The following CHI3L1 variants were observed in gnomAD, a reference collection of about 807,000 sequenced individuals.
CHI3L1 encodes chitinase 3 like 1.
Under a neutral mutation model 40.7 loss-of-function variants are expected in CHI3L1, and 30 were observed. The observed-to-expected ratio is 0.74, with a 90% CI of 0.55 to 1.00. The LOEUF is 1.00. CHI3L1 is among the 50% of genes least tolerant of loss of function. The probability of loss-of-function intolerance (pLI) is 0.00; values close to 1 mark genes in which losing one functional copy is unlikely to be tolerated. For missense variants in CHI3L1, 493 were observed against 492.2 expected (o/e 1.00, Z -0.01); for synonymous variants, 210 against 192.1 (o/e 1.09, Z -0.77).
In CHI3L1 at chr1:203,184,596, T is replaced by C. The variant is rs1227562903; in HGVS notation, c.294A>G (p.Gly98=). ...CCTACCTTTGAGACCCAAAGTTCCA[T>C]CCTCCGACAGACAAGAGAGTCTTCA... is the stretch of plus-strand genomic sequence containing the variant. ...PNLKTLLSVG[G]WNFGSQRFSK... is the part of the protein sequence containing the mutation. The change falls in exon 4 of 10, where the codon GGA becomes GGG. Residue 98 remains glycine, a synonymous_variant. Transcript: ENST00000255409. 2.5e-6 allele frequency: 4 copies of C among 1,613,860 alleles called. 1 individual carries two copies. In the Admixed American group the frequency reaches 5.0e-5, roughly 20 times the overall value.
chr1:203,182,981 G>A (rs1655968284), intron 5 of CHI3L1, 129 bp from the exon 6 acceptor site: 2 of 913,620 alleles, frequency 2.2e-6, no homozygotes, highest in Non-Finnish European at 1.7e-6. Context: ...CCTAGTGGAA[G>A]TGATAAAGTG....
At position 203,179,442 on chromosome 1, in the gene CHI3L1, G is replaced by A; in HGVS notation, c.*3C>T. 6.5e-7 allele frequency: 1 copy of A among 1,532,812 alleles called. No individual in the cohort carries two copies. The highest frequency in any genetic ancestry group is 1.3e-5 in the South Asian group (1 of 77,920). 95.0% of individuals were successfully genotyped at this position (1,532,812 alleles called of 1,614,324 possible). On this transcript the variant is annotated 3_prime_UTR_variant, in exon 10 of 10. Transcript: ENST00000255409. ...GCCCCCGTGCTGTGTGCAGAACAGA[G>A]GGCTACGTTGCAGCGAGTGCATCCT...
chr1:203,184,397 C>G (rs542600374), intron 4 of CHI3L1, among the ~76,000 whole-genome samples, 179 bp downstream of exon 4: 1 of 152,178 alleles, frequency 6.6e-6, no homozygotes, highest in African/African-American at 2.4e-5. Context: ...AAGTCCTGCT[C>G]TCTCTCTGGG....
At chr1:203,186,373 T>A (rs1436117583) in intron 1 of CHI3L1, 28 bp from the exon 2 acceptor site, 1 of 1,582,314 alleles carries the variant, frequency 6.3e-7, no homozygotes, top group Non-Finnish European at 8.6e-7. Flanking sequence ...ATGAGACCCC[T>A]GCAAGTGCAT....
intron 3 of CHI3L1, 23 bp downstream of exon 3, chr1:203,185,160 TC>T: frequency 6.2e-7 from 1 of 1,609,356 alleles, no homozygotes; most frequent in Non-Finnish European, 8.5e-7. Flanking sequence ...TGGTCCCTCC[TC>T]TCCTGGCCAG....
chr1:203,186,632 C>A lies in CHI3L1; in HGVS notation c.-9G>T. ...GACGCCTTCACACCCATTCTGGCTGCAGCAGAGCAGGGCAGGGTGTGGCCT... is the reference window on the plus strand; with the variant it reads ...GACGCCTTCACACCCATTCTGGCTGAAGCAGAGCAGGGCAGGGTGTGGCCT... On this transcript the variant is annotated 5_prime_UTR_variant, in exon 1 of 10. Transcript: ENST00000255409. 1 of 1,614,146 alleles carries A rather than the reference C, an allele frequency of 6.2e-7. No individual in the cohort carries two copies. Among genetic ancestry groups the A allele is most frequent in the Non-Finnish European group, 8.5e-7 (1 of 1,180,040 alleles).
At chr1:203,183,013 C>G (rs1460370923) in intron 5 of CHI3L1, among the ~76,000 whole-genome samples, 161 bp from the exon 6 acceptor site, 1 of 152,138 alleles carries the variant, frequency 6.6e-6, no homozygotes, top group Non-Finnish European at 1.5e-5. Context: ...GTCCCATCCT[C>G]AAGTCACCCA....
At chr1:203,185,160 T>C in intron 3 of CHI3L1, 24 bp downstream of exon 3, 1 of 1,609,356 alleles carries the variant, frequency 6.2e-7, no homozygotes, top group South Asian at 1.1e-5. Flanking sequence ...TGGTCCCTCC[T>C]CTCCTGGCCA....
Position 203,180,567 on chromosome 1 carries a change from G to A in CHI3L1, c.797C>T (p.Thr266Ile). The A allele has an allele frequency of 1.2e-6, 2 of 1,611,154 alleles. No homozygotes were observed. Among genetic ancestry groups the A allele is most frequent in the Non-Finnish European group, 1.7e-6 (2 of 1,179,004 alleles). Residue 266 changes from threonine (T) to isoleucine (I), a missense_variant, in exon 8 of 10, where the codon ACT becomes ATT. By Grantham distance (89) the Thr-to-Ile change is moderately conservative. Transcript: ENST00000255409. ...AACACCAGTCTCAGAAGAAGCCAGA[G>A]TGAAGCTCCTCCCGAAGGTGGGGAT... ...MGIPTFGRSF[T>I]LASSETGVGA...
At chr1:203,182,958 A>T in intron 5 of CHI3L1, 106 bp from the exon 6 acceptor site, 1 of 1,193,992 alleles carries the variant, frequency 8.4e-7, no homozygotes, top group Non-Finnish European at 1.2e-6. Context: ...TGTACTCCCC[A>T]ACCTGCCTGG....
At chr1:203,185,965 C>T (rs991569326) in intron 2 of CHI3L1, among the ~76,000 whole-genome samples, 1 of 152,168 alleles carries the variant, frequency 6.6e-6, no homozygotes, top group Non-Finnish European at 1.5e-5. Context: ...GGAAATCCTT[C>T]CTCGCCTCTA....
In CHI3L1 at chr1:203,184,545, T is replaced by G. The variant is rs1656014457; in HGVS notation, c.314+31A>C. The G allele has an allele frequency of 6.3e-6, 10 of 1,589,434 alleles. No individual in the cohort carries two copies. The African/African-American group carries it at 8.1e-5, about 13-fold the overall frequency. On this transcript the variant is annotated intron_variant, in intron 4 of 9. Transcript: ENST00000255409. ...TCCTCACTCCTATGCCATCATCCTC[T>G]GCCGTCCTGCCCCTGGGGAGAGGCT...
At chr1:203,180,321 C>CCT (rs1655907339) in intron 8 of CHI3L1, 149 bp downstream of exon 8, 1 of 719,740 alleles carries the variant, frequency 1.4e-6, no homozygotes, top group Admixed American at 3.2e-5. Context: ...AATGTCCTAA[C>CCT]CTCTCCCTTC....
chr1:203,182,554 A>G (rs1481100218), intron 6 of CHI3L1, among the ~76,000 whole-genome samples, 177 bp downstream of exon 6: 1 of 152,252 alleles, frequency 6.6e-6, no homozygotes, highest in Non-Finnish European at 1.5e-5. Context: ...ACAGATGGGG[A>G]AACTGAGGCA....
In CHI3L1 at chr1:203,179,523, G is replaced by A. The variant is rs752716990; in HGVS notation, c.1074C>T (p.Asp358=). The change falls in exon 10 of 10, where the codon GAC becomes GAT. Residue 358 remains aspartate (D), a synonymous_variant. Coordinates refer to ENST00000255409, the MANE Select transcript of CHI3L1 (RefSeq NM_001276.4). The part of the protein sequence containing the change: ...GAMVWALDLD[D]FQGSFCGQDL... Reference sequence around the variant, plus strand: ...CCTGGCCACAGAAGGAGCCCTGGAAGTCATCCAGGTCCAGGGCCCATACCA... The same window carrying A: ...CCTGGCCACAGAAGGAGCCCTGGAAATCATCCAGGTCCAGGGCCCATACCA... 1.2e-5 allele frequency: 19 copies of A among 1,594,222 alleles called. No individual in the cohort carries two copies. The highest frequency in any genetic ancestry group is 3.5e-5 in the Admixed American group (2 of 57,402).
At position 203,185,126 on chromosome 1, in the gene CHI3L1, G is replaced by T. The variant is rs1232903164; in HGVS notation, c.257+58C>A. ...CTCGCCCTTCCTCCTGGGTGGGGTT[G>T]CCCTGCCCTGGGACCAGCCCAGCTG... On this transcript the variant is annotated intron_variant, in intron 3 of 9. Coordinates refer to ENST00000255409, the MANE Select transcript of CHI3L1 (RefSeq NM_001276.4). 3 of 1,495,036 alleles carry T rather than the reference G, an allele frequency of 2.0e-6. No individual in the cohort carries two copies. In the East Asian group the frequency reaches 6.8e-5, roughly 34 times the overall value. The allele number at this position is 1,495,036 out of a possible 1,614,324, so 92.6% of individuals were successfully genotyped here.
In CHI3L1 at chr1:203,185,346, G is replaced by A. The variant is rs1656034815; in HGVS notation, c.95C>T (p.Ser32Phe). 1.2e-6 allele frequency: 2 copies of A among 1,614,064 alleles called. No individual in the cohort carries two copies. Among genetic ancestry groups the A allele is most frequent in the Non-Finnish European group, 1.7e-6 (2 of 1,180,056 alleles). Reference sequence around the variant, plus strand: ...GCTCCCATCGCCTTCCCGGTACTGGGACCAGCTGGTGTAGTAGCAGACCAG... The same window carrying A: ...GCTCCCATCGCCTTCCCGGTACTGGAACCAGCTGGTGTAGTAGCAGACCAG... ...YKLVCYYTSW[S>F]QYREGDGSCF... Residue 32 changes from serine (S) to phenylalanine (F), a missense_variant, in exon 3 of 10, where the codon TCC becomes TTC. Ser to Phe is a radical substitution (Grantham distance 155, BLOSUM62 -2). Transcript: ENST00000255409.
At chr1:203,183,341 C>T (rs1655985499) in intron 5 of CHI3L1, among the ~76,000 whole-genome samples, 1 of 152,132 alleles carries the variant, frequency 6.6e-6, no homozygotes, top group Admixed American at 6.5e-5. Context: ...GTATGGGTGG[C>T]ATCAGTATGG....
chr1:203,179,702 C>G (rs1357105583), intron 9 of CHI3L1, 59 bp downstream of exon 9: 2 of 1,613,990 alleles, frequency 1.2e-6, no homozygotes, highest in Non-Finnish European at 1.7e-6. Flanking sequence ...AATCTGGCTG[C>G]TGGGAGCGGG....
Sources: allele counts gnomAD v4.1 joint callset (sites outside exome capture counted in the v4.1 genomes callset), GRCh38; gene constraint gnomAD v4.1.1; transcripts MANE v1.5; gene names NCBI Gene and HGNC (gene_info 2026-07-23, HGNC 2026-07-21).